UNC13C: variants seen among roughly 807,000 people sequenced by gnomAD.
UNC13C encodes the protein unc-13 homolog C, also known as protein unc-13 homolog C.
A neutral mutation model predicts 245.4 loss-of-function variants in UNC13C; 174 were observed. The observed-to-expected ratio is 0.71, with a 90% CI of 0.63 to 0.80. The LOEUF (loss-of-function observed/expected upper bound fraction) is 0.80, where lower values mean the gene tolerates loss of function less well. UNC13C is among the 30% of genes least tolerant of loss of function. UNC13C has a pLI of 0.00. For synonymous variants in UNC13C, 992 were observed against 895.1 expected (o/e 1.11, Z -1.93); for missense variants, 2,829 against 2,602.9 (o/e 1.09, Z -1.89).
chr15:54,369,816 G>A (rs960170884), intron 17 of UNC13C, among the ~76,000 whole-genome samples: 3 of 152,008 alleles, frequency 2.0e-5, no homozygotes, highest in Non-Finnish European at 4.4e-5. Flanking sequence ...AAACCAAAAG[G>A]GTATGTGGGC....
chr15:54,009,178 G>A (rs10518750), intron 1 of UNC13C, among the ~76,000 whole-genome samples: 12,415 of 152,230 alleles, frequency 0.082, 652 homozygotes, highest in East Asian at 0.16. Flanking sequence ...GGAAATTGTT[G>A]CTGGATCATA....
rs111666689 is a variant in UNC13C, at chr15:54,491,991, C to CAA, written c.4934-2605_4934-2604dup. ...TGGGCGACAAAGCGAGACTCCATCT[C>CAA]AAAAAAAAAAAAACAATTTAGGCAC... On this transcript the variant is annotated intron_variant, in intron 19 of 32. Coordinates refer to ENST00000260323, the MANE Select transcript of UNC13C (RefSeq NM_001080534.3). Among the ~76,000 whole-genome samples, 112 of 134,158 alleles carry CAA rather than the reference C, an allele frequency of 8.3e-4. 1 individual carries two copies. In the Middle Eastern group the frequency reaches 0.019, roughly 23 times the overall value. The allele number at this position is 134,158 out of a possible 152,430, so 88.0% of individuals were successfully genotyped here.
At chr15:53,984,737 A>G (rs987381081) in intron 1 of UNC13C, among the ~76,000 whole-genome samples, 13 of 152,122 alleles carry the variant, frequency 8.5e-5, no homozygotes, top group African/African-American at 3.1e-4. Flanking sequence ...TAAGGGAAGA[A>G]GAGTATGATA....
chr15:54,074,679 CTA>C (rs1264018515), intron 2 of UNC13C, among the ~76,000 whole-genome samples: 1 of 152,092 alleles, frequency 6.6e-6, no homozygotes, highest in East Asian at 1.9e-4. Context: ...GGCTGTTTGT[CTA>C]TTATTGGTGT....
At position 54,014,792 on chromosome 15, in the gene UNC13C, G is replaced by A. The variant is rs749107200; in HGVS notation, c.1889G>A (p.Ser630Asn). The change falls in exon 2 of 33, where the codon AGT becomes AAT. Residue 630 changes from serine (S) to asparagine (N), a missense_variant. By Grantham distance (46) the Ser-to-Asn change is conservative (BLOSUM62 1). Coordinates refer to ENST00000260323, the MANE Select transcript of UNC13C (RefSeq NM_001080534.3). ...ENTETVDSGMSNGMVCASGDR... is the reference protein window; with the variant it reads ...ENTETVDSGMNNGMVCASGDR... ...ACAGAAACTGTGGATAGTGGAATGA[G>A]TAATGGCATGGTGTGTGCATCTGGA... 3 of 1,613,900 alleles carry A rather than the reference G, an allele frequency of 1.9e-6. No homozygotes were observed. Among genetic ancestry groups the A allele is most frequent in the South Asian group, 2.2e-5 (2 of 91,084 alleles).
chr15:54,335,552 T>C lies in UNC13C; in HGVS notation c.4584+1696T>C, dbSNP rs572400228. Among the ~76,000 whole-genome samples, 5 of 152,276 alleles carry C rather than the reference T, an allele frequency of 3.3e-5. No homozygotes were observed. The South Asian group carries it at 1.0e-3, about 32-fold the overall frequency. ...AAATTCCCTTGTGCTATACCATTGT[T>C]GTCAACCCTTCTCCCACATGCTGGT... is the stretch of plus-strand genomic sequence containing the variant. On this transcript the variant is annotated intron_variant, in intron 16 of 32. Transcript: ENST00000260323.
At chr15:54,589,788 A>G (rs1328547327) in intron 30 of UNC13C, among the ~76,000 whole-genome samples, 1 of 152,054 alleles carries the variant, frequency 6.6e-6, no homozygotes, top group Non-Finnish European at 1.5e-5. Context: ...TGCCATGCAG[A>G]AGCTCTTTAT....
chr15:54,426,967 C>G (rs537892269), intron 19 of UNC13C, among the ~76,000 whole-genome samples: 9 of 151,804 alleles, frequency 5.9e-5, no homozygotes, highest in Non-Finnish European at 7.4e-5. Context: ...AGTGCTAAAA[C>G]CTGAGTTAAC....
chr15:54,061,520 C>A (rs149833782), intron 2 of UNC13C, among the ~76,000 whole-genome samples: 3 of 152,092 alleles, frequency 2.0e-5, no homozygotes, highest in Non-Finnish European at 4.4e-5. Context: ...AACTTAAAGG[C>A]CTCTGAGGAA....
chr15:53,856,112 A>G, the UNC13C span, among the ~76,000 whole-genome samples: 60 of 152,104 alleles, frequency 3.9e-4, no homozygotes, highest in African/African-American at 1.4e-3. Context: ...GATTGCTTGT[A>G]TTTCTGTGGG....
intron 18 of UNC13C, among the ~76,000 whole-genome samples, chr15:54,401,864 G>T (rs575436058): frequency 6.6e-6 from 1 of 152,000 alleles, no homozygotes; most frequent in Admixed American, 6.6e-5. Context: ...CTTTTCTTGG[G>T]TTCCAGTACA....
chr15:53,930,114 G>A, the UNC13C span, among the ~76,000 whole-genome samples: 1 of 152,272 alleles, frequency 6.6e-6, no homozygotes, highest in South Asian at 2.1e-4. Context: ...TTTCTCACAT[G>A]TCTGGGGCCT....
chr15:54,469,991 T>A (rs1297007505), intron 19 of UNC13C, among the ~76,000 whole-genome samples: 1 of 151,630 alleles, frequency 6.6e-6, no homozygotes, highest in Non-Finnish European at 1.5e-5. Context: ...TTTTATCAAA[T>A]GCTTTATCTG....
the UNC13C span, among the ~76,000 whole-genome samples, chr15:53,877,295 C>T: frequency 2.0e-5 from 3 of 152,150 alleles, no homozygotes; most frequent in African/African-American, 7.2e-5. Context: ...CTTTGCCTTG[C>T]CCTCTCCAAT....
chr15:54,014,350 A>G lies in UNC13C; in HGVS notation c.1447A>G (p.Ser483Gly), dbSNP rs748983925. 1 of 1,613,902 alleles carries G rather than the reference A, an allele frequency of 6.2e-7. No homozygotes were observed. The highest frequency in any genetic ancestry group is 1.7e-5 in the Admixed American group (1 of 59,978). Residue 483 changes from serine to glycine, a missense_variant, in exon 2 of 33, where the codon AGC (serine) becomes GGC (glycine). By Grantham distance (56) the Ser-to-Gly change is moderately conservative (BLOSUM62 0). Transcript: ENST00000260323. The stretch of plus-strand genomic sequence containing the variant: ...AACAAAGGGAAGTACTTCCAAGCCA[A>G]GCTCAAAATCACACAGTGCTAGATC... ...LLTKGSTSKP[S>G]SKSHSARSKN...
chr15:54,076,045 T>C (rs1202985646), intron 2 of UNC13C, among the ~76,000 whole-genome samples: 4 of 143,934 alleles, frequency 2.8e-5, no homozygotes, highest in Non-Finnish European at 6.0e-5. Flanking sequence ...CACCTCTTTC[T>C]GCTCCTTCAC....
chr15:54,453,104 C>G (rs1021554642), intron 19 of UNC13C, among the ~76,000 whole-genome samples: 2 of 152,190 alleles, frequency 1.3e-5, no homozygotes, highest in African/African-American at 4.8e-5. Context: ...AGCTCATTCT[C>G]TCTCTCTAAA....
intron 2 of UNC13C, among the ~76,000 whole-genome samples, chr15:54,138,978 T>TC (rs1555422093): frequency 1.7e-4 from 24 of 141,224 alleles, no homozygotes; most frequent in African/African-American, 6.3e-4. Context: ...TTTTTTTTTT[T>TC]GAGACGGAGT....
intron 17 of UNC13C, among the ~76,000 whole-genome samples, chr15:54,383,078 C>A (rs190432704): frequency 6.6e-6 from 1 of 152,050 alleles, no homozygotes; most frequent in South Asian, 2.1e-4. Context: ...AATAAAAGCT[C>A]AGGACAGGAT....
Sources: allele counts gnomAD v4.1 joint callset (sites outside exome capture counted in the v4.1 genomes callset), GRCh38; gene constraint gnomAD v4.1.1; transcripts MANE v1.5; gene names NCBI Gene and HGNC (gene_info 2026-07-23, HGNC 2026-07-21).